Variants in PUS7 observed in about 807,000 individuals in gnomAD.
PUS7 encodes the protein pseudouridine synthase 7.
Under a neutral mutation model 79.8 loss-of-function variants are expected in PUS7, and 48 were observed. The ratio of observed to expected loss-of-function variants is 0.60; its 90% CI spans 0.48 to 0.76. The LOEUF is 0.76. Among genes scored for constraint, PUS7 ranks in the 30% least tolerant of loss-of-function variants. The pLI is 0.00. For synonymous variants in PUS7, 286 were observed against 272.2 expected, an observed-to-expected ratio of 1.05 and a Z score of -0.50; for missense variants, 729 against 797.6, an observed-to-expected ratio of 0.91 and a Z score of 1.04.
intron 9 of PUS7, among the ~76,000 whole-genome samples, chr7:105,475,024 C>A (rs1824031791): frequency 6.6e-6 from 1 of 152,216 alleles, no homozygotes; most frequent in South Asian, 2.1e-4. Flanking sequence ...CCTTTGCCAA[C>A]ACCTGATATA....
At position 105,457,768 on chromosome 7, in the gene PUS7, T is replaced by C. The variant is rs749777851; in HGVS notation, c.*22A>G. The C allele has an allele frequency of 1.2e-6, 2 of 1,609,384 alleles. No homozygotes were observed. The highest frequency in any genetic ancestry group is 1.3e-5 in the African/African-American group (1 of 74,884). Reference sequence around the variant, plus strand: ...GAAGCAAACACTTGTGTACGTTTTCTAATCTGTGGACAAGGTACTGCTCAG... The same window carrying C: ...GAAGCAAACACTTGTGTACGTTTTCCAATCTGTGGACAAGGTACTGCTCAG... On this transcript the variant is annotated 3_prime_UTR_variant, in exon 16 of 16. Coordinates refer to ENST00000469408, the MANE Select transcript of PUS7 (RefSeq NM_019042.5).
chr7:105,516,788 A>G (rs1825912747), intron 1 of PUS7, among the ~76,000 whole-genome samples: 1 of 151,912 alleles, frequency 6.6e-6, no homozygotes, highest in South Asian at 2.1e-4. Context: ...GGTTGGGGAG[A>G]GGAGAGAGAG....
At chr7:105,466,326 A>G (rs1259011857) in intron 12 of PUS7, among the ~76,000 whole-genome samples, 1 of 152,108 alleles carries the variant, frequency 6.6e-6, no homozygotes, top group East Asian at 1.9e-4. Flanking sequence ...GGTGTGATTA[A>G]GGTTCACTGC....
intron 1 of PUS7, among the ~76,000 whole-genome samples, chr7:105,516,673 C>G (rs896691478): frequency 6.6e-6 from 1 of 151,768 alleles, no homozygotes; most frequent in African/African-American, 2.4e-5. Context: ...AGGCTGGTCT[C>G]GAACTCCTGA....
In PUS7 at chr7:105,486,820, G is replaced by C. The variant is rs144587682; in HGVS notation, c.921-4380C>G. ...CACGCCTGTAATCCCAGCACTTTGG[G>C]AGGCCAAAGTGGCTGAATTGCTTGA... On this transcript the variant is annotated intron_variant, in intron 7 of 15. Coordinates refer to ENST00000469408, the MANE Select transcript of PUS7 (RefSeq NM_019042.5). 6.7e-3 allele frequency among the ~76,000 whole-genome samples: 1,025 copies of C among 152,150 alleles called. 11 individuals are homozygous for C. The highest frequency in any genetic ancestry group is 0.023 in the African/African-American group (935 of 41,516).
At chr7:105,468,641 C>T (rs1823757270) in intron 11 of PUS7, among the ~76,000 whole-genome samples, 178 bp from the exon 12 acceptor site, 1 of 151,474 alleles carries the variant, frequency 6.6e-6, no homozygotes, top group East Asian at 2.0e-4. Context: ...CCTCAGCCTA[C>T]AGACTAGCTG....
At chr7:105,497,963 T>C (rs1825103840) in intron 5 of PUS7, among the ~76,000 whole-genome samples, 1 of 152,228 alleles carries the variant, frequency 6.6e-6, no homozygotes. Context: ...GCTACATTTT[T>C]CTCAACTACC....
At chr7:105,505,758 G>C (rs922049406) in intron 4 of PUS7, among the ~76,000 whole-genome samples, 197 bp downstream of exon 4, 4 of 151,458 alleles carry the variant, frequency 2.6e-5, no homozygotes, top group African/African-American at 9.7e-5. Context: ...ATGTAACTTT[G>C]GGGGGGGCTA....
At chr7:105,468,522 CTT>C (rs548213122) in intron 11 of PUS7, 59 bp from the exon 12 acceptor site, 2,764 of 1,147,358 alleles carry the variant, frequency 2.4e-3, no homozygotes, top group East Asian at 4.0e-3. Context: ...AAGTGCTGTA[CTT>C]TTTTTTTTTT....
chr7:105,487,097 CAT>C (rs1207079308), intron 7 of PUS7, among the ~76,000 whole-genome samples: 2 of 152,134 alleles, frequency 1.3e-5, no homozygotes, highest in East Asian at 1.9e-4. Context: ...TATATATACA[CAT>C]GTATAATTCA....
intron 7 of PUS7, among the ~76,000 whole-genome samples, chr7:105,490,050 TG>T (rs1824718322): frequency 6.9e-6 from 1 of 144,968 alleles, no homozygotes; most frequent in Non-Finnish European, 1.5e-5. Flanking sequence ...ACCAGGGAGG[TG>T]GAAGTTGCAG....
intron 1 of PUS7, among the ~76,000 whole-genome samples, chr7:105,508,871 TAAAAAAAAAAAAAA>T (rs34249093): frequency 2.6e-4 from 6 of 22,890 alleles, no homozygotes; most frequent in African/African-American, 9.0e-4. Context: ...GACATTGTCT[TAAAAAAAAAAAAAA>T]AAAAAAAAAA....
Position 105,522,066 on chromosome 7 carries a change from C to T in PUS7, c.-47G>A, listed in dbSNP as rs111324395. 1,133 of 152,850 alleles carry T rather than the reference C, an allele frequency of 7.4e-3. 9 individuals carry two copies. Among genetic ancestry groups the T allele is most frequent in the Non-Finnish European group, 0.01 (699 of 68,632 alleles). 9.5% of individuals were successfully genotyped at this position (152,850 alleles called of 1,614,324 possible). A position where few individuals can be genotyped will look rare whatever the true frequency, so the allele number is the denominator to read the frequency against. ...CGCGCACTTACCCGGAGCCTGGGAG[C>T]GCGGGCGCGGCGTGAGCTGGGCGGC... On this transcript the variant is annotated 5_prime_UTR_variant, in exon 1 of 16. Coordinates refer to ENST00000469408, the MANE Select transcript of PUS7 (RefSeq NM_019042.5).
At chr7:105,462,580 T>C (rs1353739968) in intron 14 of PUS7, 41 bp downstream of exon 14, 5 of 1,607,004 alleles carry the variant, frequency 3.1e-6, no homozygotes, top group East Asian at 2.2e-5. Context: ...TTACAACTTA[T>C]ATGGTAATTC....
At chr7:105,520,624 A>C (rs1826072435) in intron 1 of PUS7, among the ~76,000 whole-genome samples, 1 of 152,202 alleles carries the variant, frequency 6.6e-6, no homozygotes, top group Non-Finnish European at 1.5e-5. Flanking sequence ...CCGGAGGCTG[A>C]GGCAGGAGAA....
intron 9 of PUS7, among the ~76,000 whole-genome samples, chr7:105,477,393 G>C (rs73415581): frequency 0.02 from 3,023 of 151,708 alleles, 105 homozygotes; most frequent in African/African-American, 0.068. Flanking sequence ...GATTACAGGT[G>C]TTCATGCCAC....
chr7:105,488,679 T>A (rs1824652044), intron 7 of PUS7, among the ~76,000 whole-genome samples: 1 of 152,224 alleles, frequency 6.6e-6, no homozygotes, highest in Non-Finnish European at 1.5e-5. Context: ...TTTTGCTATA[T>A]ACCTACAGGA....
At chr7:105,509,907 G>C (rs891254352) in intron 1 of PUS7, among the ~76,000 whole-genome samples, 2 of 152,178 alleles carry the variant, frequency 1.3e-5, no homozygotes. Flanking sequence ...AGAAGTGGTG[G>C]CTGGGGACAG....
At chr7:105,520,977 C>T (rs1826085629) in intron 1 of PUS7, among the ~76,000 whole-genome samples, 1 of 151,946 alleles carries the variant, frequency 6.6e-6, no homozygotes, top group Non-Finnish European at 1.5e-5. Flanking sequence ...AACTGCACTC[C>T]AGCCTGGGCA....
Sources: allele counts gnomAD v4.1 joint callset (sites outside exome capture counted in the v4.1 genomes callset), GRCh38; gene constraint gnomAD v4.1.1; transcripts MANE v1.5; gene names NCBI Gene and HGNC (gene_info 2026-07-23, HGNC 2026-07-21).